The following TNRC6B variants were observed in gnomAD, a reference collection of about 807,000 sequenced individuals.
TNRC6B encodes the protein trinucleotide repeat-containing gene 6B protein.
In TNRC6B, 52 loss-of-function variants were observed where a neutral mutation model predicts 203.6. The ratio of observed to expected loss-of-function variants is 0.26; its 90% confidence interval spans 0.20 to 0.32. The LOEUF is 0.32. TNRC6B is among the 10% of genes least tolerant of loss of function. TNRC6B has a pLI of 1.00. For synonymous variants in TNRC6B, 838 were observed against 845.7 expected (o/e 0.99, Z 0.16); for missense variants, 1,923 against 2,286.2 (o/e 0.84, Z 3.24).
At chr22:40,056,144 C>T (rs1418601520) in intron 1 of TNRC6B, among the ~76,000 whole-genome samples, 1 of 152,218 alleles carries the variant, frequency 6.6e-6, no homozygotes, top group Non-Finnish European at 1.5e-5. Flanking sequence ...CCATCTCTAG[C>T]CATCTTCCAT....
At chr22:40,213,725 A>T (rs1282403370) in intron 1 of TNRC6B, among the ~76,000 whole-genome samples, 1 of 152,150 alleles carries the variant, frequency 6.6e-6, no homozygotes, top group Admixed American at 6.6e-5. Flanking sequence ...GAGTGCAGTG[A>T]TCGCACAGCT....
rs996705017 is a variant in TNRC6B at position 40,325,634 on chromosome 22, C to G, written c.*2393C>G. 4 of 152,856 alleles carry G rather than the reference C, an allele frequency of 2.6e-5. No individual in the cohort carries two copies. The highest frequency in any genetic ancestry group is 2.0e-4 in the Admixed American group (3 of 15,312). 9.5% of individuals were successfully genotyped at this position (152,856 alleles called of 1,614,324 possible). On this transcript the variant is annotated 3_prime_UTR_variant, in exon 23 of 23. Coordinates refer to ENST00000454349, the MANE Select transcript of TNRC6B (RefSeq NM_001162501.2). The stretch of plus-strand genomic sequence containing the variant: ...TGCAAAAGCTCTGCTTCCAGCAGCC[C>G]CCACTGACCGCTCTCTGTGTGGAGC...
At chr22:40,311,194 T>A (rs777761624) in intron 17 of TNRC6B, among the ~76,000 whole-genome samples, 3 of 152,192 alleles carry the variant, frequency 2.0e-5, no homozygotes, top group African/African-American at 7.2e-5. Flanking sequence ...TGGGGATAAG[T>A]GACATTGTAG....
At chr22:40,298,934 C>T (rs1312500691) in intron 12 of TNRC6B, among the ~76,000 whole-genome samples, 1 of 150,232 alleles carries the variant, frequency 6.7e-6, no homozygotes, top group Non-Finnish European at 1.5e-5. Flanking sequence ...CCACTGCACT[C>T]CAGCCTGGGT....
At chr22:40,285,827 A>G in intron 12 of TNRC6B, 57 bp downstream of exon 12, 1 of 1,583,604 alleles carries the variant, frequency 6.3e-7, no homozygotes, top group Non-Finnish European at 8.6e-7. Flanking sequence ...CATCATTACC[A>G]GTTGTTAACT....
chr22:40,154,017 G>A (rs2068786476), intron 3 of TNRC6B, among the ~76,000 whole-genome samples: 1 of 151,288 alleles, frequency 6.6e-6, no homozygotes, highest in Admixed American at 6.6e-5. Flanking sequence ...GTGTTGCCCA[G>A]ACTGGAGTGC....
At chr22:40,227,532 A>G (rs2069807618) in intron 1 of TNRC6B, among the ~76,000 whole-genome samples, 1 of 147,056 alleles carries the variant, frequency 6.8e-6, no homozygotes, top group Admixed American at 6.7e-5. Context: ...TATTTTTGTA[A>G]TAGAGGTGAG....
intron 7 of TNRC6B, among the ~76,000 whole-genome samples, chr22:40,274,422 C>CTTTTTTTTT (rs374621260): frequency 7.1e-6 from 1 of 140,688 alleles, no homozygotes. Context: ...AATGATATCT[C>CTTTTTTTTT]TTTTTTTTTT....
At chr22:40,154,896 CATATAT>C (rs1335390600) in intron 3 of TNRC6B, among the ~76,000 whole-genome samples, 1 of 29,906 alleles carries the variant, frequency 3.3e-5, no homozygotes. Context: ...TATATATATA[CATATAT>C]ATATATATTC....
intron 15 of TNRC6B, among the ~76,000 whole-genome samples, chr22:40,306,896 G>A (rs1232742426): frequency 6.6e-6 from 1 of 152,158 alleles, no homozygotes; most frequent in Non-Finnish European, 1.5e-5. Context: ...GCTGAGGCAG[G>A]AGAATTGCTT....
chr22:40,254,321 G>A (rs1333581025), intron 3 of TNRC6B, among the ~76,000 whole-genome samples: 2 of 152,206 alleles, frequency 1.3e-5, no homozygotes, highest in Non-Finnish European at 2.9e-5. Flanking sequence ...CGTAGACTAT[G>A]TAATGGAGGA....
chr22:40,055,928 A>C (rs2067791078), intron 1 of TNRC6B, among the ~76,000 whole-genome samples: 1 of 152,240 alleles, frequency 6.6e-6, no homozygotes. Context: ...ACATATCTCC[A>C]AGTCTCCAAG....
intron 3 of TNRC6B, among the ~76,000 whole-genome samples, chr22:40,127,807 G>A (rs553259499): frequency 3.3e-5 from 5 of 152,202 alleles, no homozygotes; most frequent in African/African-American, 7.2e-5. Context: ...GGCTGTTGAC[G>A]CTGCAGTGAG....
At chr22:40,206,962 C>G (rs931833234) in intron 1 of TNRC6B, among the ~76,000 whole-genome samples, 3 of 152,162 alleles carry the variant, frequency 2.0e-5, no homozygotes, top group Non-Finnish European at 4.4e-5. Context: ...TCTCACAGTT[C>G]TGGAGGCTAA....
intron 2 of TNRC6B, among the ~76,000 whole-genome samples, chr22:40,122,764 T>C (rs2068457114): frequency 6.6e-6 from 1 of 152,220 alleles, no homozygotes; most frequent in South Asian, 2.1e-4. Flanking sequence ...GAGTAGAGAA[T>C]GTCTTGTGAG....
rs147154450 is a variant in TNRC6B, at chr22:40,321,655, G to A, written c.5114+426G>A. ...CAAAAAATCAGCCAGGCGTGGGGGC[G>A]CATGCCTGTAGTCCCAGCTACTGGG... On this transcript the variant is annotated intron_variant, in intron 22 of 22. Coordinates refer to ENST00000454349, the MANE Select transcript of TNRC6B (RefSeq NM_001162501.2). 4.3e-3 allele frequency: 711 copies of A among 167,214 alleles called. 6 individuals are homozygous for A. The highest frequency in any genetic ancestry group is 0.016 in the African/African-American group (685 of 42,286). The allele number at this position is 167,214 out of a possible 1,614,324, so 10.4% of individuals were successfully genotyped here. A position where few individuals can be genotyped will look rare whatever the true frequency, so the allele number is the denominator to read the frequency against.
rs56078653 is a variant in TNRC6B at position 40,258,071 on chromosome 22, CTTTTTTTTTTTTTT to C, written c.116-3744_116-3731del. On this transcript the variant is annotated intron_variant, in intron 3 of 22. Transcript: ENST00000454349. Reference sequence around the variant, plus strand: ...GAAATCAGAAAATAGGATACACAGCCTTTTTTTTTTTTTTTTTTTTTTTTTTTTTTACCCCACAA... The same window carrying C: ...GAAATCAGAAAATAGGATACACAGCCTTTTTTTTTTTTTTTTACCCCACAA... Among the ~76,000 whole-genome samples the C allele has an allele frequency of 5.6e-3, 161 of 28,730 alleles. 7 individuals are homozygous for C. The highest frequency in any genetic ancestry group is 6.5e-3 in the Non-Finnish European group (101 of 15,536). The allele number at this position is 28,730 out of a possible 152,430, so 18.8% of individuals were successfully genotyped here. A position where few individuals can be genotyped will look rare whatever the true frequency, so the allele number is the denominator to read the frequency against.
intron 3 of TNRC6B, among the ~76,000 whole-genome samples, chr22:40,252,897 A>C (rs1046929995): frequency 6.6e-6 from 1 of 152,156 alleles, no homozygotes; most frequent in Non-Finnish European, 1.5e-5. Context: ...TTATGGGGAC[A>C]GCAGATGAGA....
At chr22:40,137,006 T>A (rs938911100) in intron 3 of TNRC6B, among the ~76,000 whole-genome samples, 3 of 152,194 alleles carry the variant, frequency 2.0e-5, no homozygotes, top group Non-Finnish European at 4.4e-5. Flanking sequence ...CTGTTTTAAT[T>A]GGTTTCATTG....
Sources: allele counts gnomAD v4.1 joint callset (sites outside exome capture counted in the v4.1 genomes callset), GRCh38; gene constraint gnomAD v4.1.1; transcripts MANE v1.5; gene names NCBI Gene and HGNC (gene_info 2026-07-23, HGNC 2026-07-21).